MGAT5: variants seen among roughly 807,000 people sequenced by gnomAD.
MGAT5 encodes alpha-1,6-mannosylglycoprotein 6-beta-N-acetylglucosaminyltransferase A.
Under a neutral mutation model 94.3 loss-of-function variants are expected in MGAT5, and 30 were observed. The observed-to-expected ratio is 0.32, with a 90% CI of 0.24 to 0.43. The LOEUF is 0.43. Among genes scored for constraint, MGAT5 ranks in the 20% least tolerant of loss-of-function variants. The pLI is 1.00. For synonymous variants in MGAT5, 310 were observed against 322.9 expected, an observed-to-expected ratio of 0.96 and a Z score of 0.43; for missense variants, 691 against 905.5, an observed-to-expected ratio of 0.76 and a Z score of 3.04.
intron 7 of MGAT5, among the ~76,000 whole-genome samples, chr2:134,342,493 G>T (rs1490201760): frequency 6.6e-6 from 1 of 152,034 alleles, no homozygotes; most frequent in Non-Finnish European, 1.5e-5. Context: ...ACAATATATG[G>T]TGGCTCCCAG....
intron 4 of MGAT5, chr2:134,320,061 CT>C: frequency 5.5e-6 from 1 of 180,448 alleles, no homozygotes; most frequent in South Asian, 1.3e-4. Context: ...GGCTCCAGAT[CT>C]TTAGAGAGGT....
chr2:134,170,319 T>C (rs1383799459), intron 1 of MGAT5, among the ~76,000 whole-genome samples: 1 of 152,234 alleles, frequency 6.6e-6, no homozygotes, highest in Non-Finnish European at 1.5e-5. Context: ...AGACACATGC[T>C]AGTTTAAAAG....
intron 12 of MGAT5, among the ~76,000 whole-genome samples, chr2:134,421,184 G>A (rs1215007602): frequency 6.6e-6 from 1 of 152,206 alleles, no homozygotes; most frequent in African/African-American, 2.4e-5. Context: ...TTTCTGAAAT[G>A]ATGACAGCTC....
At chr2:134,447,933 A>C (rs1471934856) in intron 15 of MGAT5, among the ~76,000 whole-genome samples, 1 of 152,178 alleles carries the variant, frequency 6.6e-6, no homozygotes, top group Non-Finnish European at 1.5e-5. Flanking sequence ...ACCTTCCTCT[A>C]ACTGGGGTTA....
chr2:134,276,368 C>T (rs759110505), intron 2 of MGAT5, among the ~76,000 whole-genome samples: 1 of 152,142 alleles, frequency 6.6e-6, no homozygotes, highest in Non-Finnish European at 1.5e-5. Context: ...CGTGAAAGGA[C>T]CACTAATTCC....
At chr2:134,386,250 A>G (rs1425239439) in intron 10 of MGAT5, among the ~76,000 whole-genome samples, 1 of 152,230 alleles carries the variant, frequency 6.6e-6, no homozygotes, top group East Asian at 1.9e-4. Context: ...GAAAAGCAAA[A>G]AACAGGAATG....
In MGAT5 at chr2:134,189,605, T is replaced by TTTTTTTTTTTTTTTTTTG. The variant is rs1558978116; in HGVS notation, c.-142-64642_-142-64641insTTGTTTTTTTTTTTTTTT. Among the ~76,000 whole-genome samples, 13 of 106,624 alleles carry TTTTTTTTTTTTTTTTTTG rather than the reference T, an allele frequency of 1.2e-4. 1 individual carries two copies. Among genetic ancestry groups the TTTTTTTTTTTTTTTTTTG allele is most frequent in the Non-Finnish European group, 2.4e-4 (13 of 53,864 alleles). The allele number at this position is 106,624 out of a possible 152,430, so 69.9% of individuals were successfully genotyped here. On this transcript the variant is annotated intron_variant, in intron 1 of 16. Transcript: ENST00000409645. ...CTCATGGCTCTAGTTTTTTTTTGTT[T>TTTTTTTTTTTTTTTTTTG]TTTTTTTTTTTTTTTAAGACAGAGT... is the stretch of plus-strand genomic sequence containing the variant.
upstream of MGAT5, among the ~76,000 whole-genome samples, chr2:134,251,248 G>A (rs76732791): frequency 1.1e-3 from 165 of 151,138 alleles, no homozygotes; most frequent in African/African-American, 4.0e-3. Context: ...CACCTAGTTC[G>A]TAATGTGGCT....
At chr2:134,260,696 CT>C (rs1267044246) in intron 1 of MGAT5, among the ~76,000 whole-genome samples, 2 of 124,406 alleles carry the variant, frequency 1.6e-5, no homozygotes, top group East Asian at 4.8e-4. Flanking sequence ...TTTCTTTTTT[CT>C]TTTTCTTTTT....
intron 2 of MGAT5, among the ~76,000 whole-genome samples, chr2:134,291,317 C>T (rs1685346986): frequency 6.6e-6 from 1 of 152,122 alleles, no homozygotes; most frequent in East Asian, 1.9e-4. Flanking sequence ...CTTGTTTTTT[C>T]TCTCTGTTCT....
chr2:134,407,937 A>G (rs1574035896), intron 11 of MGAT5, among the ~76,000 whole-genome samples: 2 of 152,182 alleles, frequency 1.3e-5, no homozygotes, highest in Non-Finnish European at 1.5e-5. Context: ...ATTGCGATGC[A>G]CCTGTCTATG....
At chr2:134,406,857 C>G (rs1428221223) in intron 11 of MGAT5, among the ~76,000 whole-genome samples, 1 of 152,150 alleles carries the variant, frequency 6.6e-6, no homozygotes, top group African/African-American at 2.4e-5. Flanking sequence ...GACACCTGCA[C>G]TCCAGCCTGA....
intron 1 of MGAT5, among the ~76,000 whole-genome samples, chr2:134,165,791 A>G (rs898153265): frequency 6.6e-6 from 1 of 151,924 alleles, no homozygotes; most frequent in African/African-American, 2.4e-5. Flanking sequence ...AAAAAATTCT[A>G]GGGAGCCAGC....
intron 2 of MGAT5, among the ~76,000 whole-genome samples, chr2:134,312,988 C>G (rs1364753151): frequency 6.6e-6 from 1 of 151,720 alleles, no homozygotes; most frequent in Non-Finnish European, 1.5e-5. Flanking sequence ...CCTGCCCTGA[C>G]TCTCCCCTTT....
At chr2:134,256,480 T>C (rs1682969743) in intron 1 of MGAT5, among the ~76,000 whole-genome samples, 2 of 152,202 alleles carry the variant, frequency 1.3e-5, no homozygotes, top group Admixed American at 1.3e-4. Flanking sequence ...GCCCCACAAA[T>C]AGCAAATTTA....
chr2:134,399,879 C>T (rs565781005), intron 10 of MGAT5, among the ~76,000 whole-genome samples: 7 of 152,126 alleles, frequency 4.6e-5, no homozygotes, highest in Non-Finnish European at 8.8e-5. Context: ...TTACCTCTAA[C>T]GCCCTCCCCA....
Position 134,422,932 on chromosome 2 carries a change from T to C in MGAT5, c.1794+13T>C. On this transcript the variant is annotated intron_variant, in intron 13 of 15. Coordinates refer to ENST00000281923, the MANE Select transcript of MGAT5 (RefSeq NM_002410.5). ...TTTAAATCAGAAGGTTGGTTCATTT[T>C]ATTCCACTTTCCCTCCTTTCTAATG... is the stretch of plus-strand genomic sequence containing the variant. 6.3e-7 allele frequency: 1 copy of C among 1,584,300 alleles called. No individual in the cohort carries two copies. Among genetic ancestry groups the C allele is most frequent in the Non-Finnish European group, 8.7e-7 (1 of 1,153,176 alleles).
chr2:134,323,143 A>G (rs1271077602), intron 4 of MGAT5, among the ~76,000 whole-genome samples: 1 of 152,092 alleles, frequency 6.6e-6, no homozygotes, highest in Admixed American at 6.6e-5. Flanking sequence ...ACCCTCACCA[A>G]CTTGTAGTCT....
intron 14 of MGAT5, among the ~76,000 whole-genome samples, chr2:134,435,464 T>G (rs1175306702): frequency 1.3e-5 from 2 of 152,248 alleles, no homozygotes; most frequent in African/African-American, 4.8e-5. Flanking sequence ...CAGTCTCACT[T>G]CATTCTTTTC....
Sources: gnomAD v4.1 joint callset for allele counts (sites outside exome capture counted in the v4.1 genomes callset) on GRCh38, gnomAD v4.1.1 for gene constraint, MANE v1.5 for transcripts, NCBI Gene and HGNC (gene_info 2026-07-23, HGNC 2026-07-21) for gene names.